LEPR: variants seen among roughly 807,000 people sequenced by gnomAD.
LEPR encodes the protein OB receptor.
Under a neutral mutation model 114.7 loss-of-function variants are expected in LEPR, and 56 were observed. That is an observed-to-expected ratio of 0.49 (90% CI 0.39 to 0.61). The LOEUF is 0.61. Ranked by LOEUF, LEPR falls within the 20% of genes least tolerant of loss-of-function variation. The pLI is 0.00. For missense variants in LEPR, 1,202 were observed against 1,352.9 expected, an observed-to-expected ratio of 0.89 and a Z score of 1.75; for synonymous variants, 443 against 461.4, an observed-to-expected ratio of 0.96 and a Z score of 0.51.
At chr1:65,467,151 C>A (rs1049411304) in intron 2 of LEPR, among the ~76,000 whole-genome samples, 1 of 152,124 alleles carries the variant, frequency 6.6e-6, no homozygotes, top group Non-Finnish European at 1.5e-5. Flanking sequence ...TCTCATTTCT[C>A]CCCATCTTTG....
At chr1:65,576,842 CT>C in intron 5 of LEPR, 1 of 288,964 alleles carries the variant, frequency 3.5e-6, no homozygotes, top group Non-Finnish European at 6.9e-6. Flanking sequence ...TGATGAAGAA[CT>C]TACCTCCACA....
intron 2 of LEPR, among the ~76,000 whole-genome samples, chr1:65,451,053 T>G (rs1159413371): frequency 0.02 from 3,066 of 150,730 alleles, 96 homozygotes; most frequent in African/African-American, 0.07. Flanking sequence ...TTTCATGTGT[T>G]TTTTGGCTGC....
intron 2 of LEPR, among the ~76,000 whole-genome samples, chr1:65,517,978 A>G (rs1290950695): frequency 6.6e-6 from 1 of 152,224 alleles, no homozygotes; most frequent in African/African-American, 2.4e-5. Flanking sequence ...GAAGTGAACT[A>G]TAATTCTTGC....
At chr1:65,571,308 C>T (rs1654132557) in intron 4 of LEPR, among the ~76,000 whole-genome samples, 1 of 151,818 alleles carries the variant, frequency 6.6e-6, no homozygotes, top group Non-Finnish European at 1.5e-5. Context: ...AACTAACCTG[C>T]ACATCCTGCA....
At chr1:65,504,218 TCTC>T (rs1261310005) in intron 2 of LEPR, among the ~76,000 whole-genome samples, 1 of 152,142 alleles carries the variant, frequency 6.6e-6, no homozygotes, top group Non-Finnish European at 1.5e-5. Flanking sequence ...ACAAGATACA[TCTC>T]CTGTGCAGGA....
intron 11 of LEPR, among the ~76,000 whole-genome samples, chr1:65,608,051 C>T (rs1005463167): frequency 6.6e-6 from 1 of 152,050 alleles, no homozygotes; most frequent in African/African-American, 2.4e-5. Context: ...CAAGGCTTTG[C>T]TCTGAGAGAC....
chr1:65,574,359 G>C (rs925347851), intron 5 of LEPR, among the ~76,000 whole-genome samples: 1 of 152,122 alleles, frequency 6.6e-6, no homozygotes, highest in Admixed American at 6.5e-5. Flanking sequence ...TAACAAACCT[G>C]CACGTTGTGC....
intron 2 of LEPR, among the ~76,000 whole-genome samples, chr1:65,507,572 A>C (rs965149971): frequency 6.7e-6 from 1 of 149,874 alleles, no homozygotes; most frequent in Admixed American, 6.7e-5. Flanking sequence ...CAACATTAAA[A>C]AAAATCCATT....
chr1:65,444,228 A>G (rs1456941606), intron 2 of LEPR, among the ~76,000 whole-genome samples: 2 of 151,774 alleles, frequency 1.3e-5, no homozygotes, highest in Non-Finnish European at 2.9e-5. Flanking sequence ...ATACTTTTAA[A>G]GTTTGGACAG....
intron 2 of LEPR, among the ~76,000 whole-genome samples, chr1:65,511,033 C>T (rs1324305434): frequency 6.6e-6 from 1 of 152,120 alleles, no homozygotes; most frequent in African/African-American, 2.4e-5. Context: ...CAAAACAAAA[C>T]ACTTATTTTA....
intron 2 of LEPR, among the ~76,000 whole-genome samples, chr1:65,539,219 C>T (rs979584330): frequency 3.3e-5 from 5 of 149,622 alleles, no homozygotes; most frequent in Admixed American, 6.7e-5. Flanking sequence ...TCTGAAATGT[C>T]TCTGCCAATA....
intron 2 of LEPR, among the ~76,000 whole-genome samples, chr1:65,462,417 G>A (rs1037090000): frequency 7.2e-5 from 11 of 152,156 alleles, no homozygotes; most frequent in African/African-American, 2.4e-4. Flanking sequence ...CATTTGGGTT[G>A]GTTCCAAGTC....
At chr1:65,478,283 C>T (rs1302968024) in intron 2 of LEPR, among the ~76,000 whole-genome samples, 3 of 152,084 alleles carry the variant, frequency 2.0e-5, no homozygotes, top group African/African-American at 7.2e-5. Context: ...GTAATGGGGC[C>T]GTCCATCCTA....
At chr1:65,435,310 T>C (rs114881303) in intron 2 of LEPR, 17,430 of 985,048 alleles carry the variant, frequency 0.018, 294 homozygotes, top group South Asian at 0.096. Flanking sequence ...TTAATAACCT[T>C]CTTTATGTTC....
intron 5 of LEPR, among the ~76,000 whole-genome samples, chr1:65,590,558 AC>A (rs1350440197): frequency 6.6e-6 from 1 of 151,620 alleles, no homozygotes; most frequent in Non-Finnish European, 1.5e-5. Flanking sequence ...GCTTTTCCCC[AC>A]ATTCACTCTG....
intron 14 of LEPR, among the ~76,000 whole-genome samples, chr1:65,613,937 C>T (rs923470119): frequency 8.1e-5 from 12 of 147,330 alleles, no homozygotes; most frequent in African/African-American, 3.0e-4. Context: ...AAAAAAAAAA[C>T]CTGACAATAC....
intron 2 of LEPR, among the ~76,000 whole-genome samples, chr1:65,449,636 C>A (rs1314230900): frequency 6.6e-6 from 1 of 151,680 alleles, no homozygotes. Flanking sequence ...CAGCTTCCCT[C>A]CGGCAACTAC....
Position 65,637,728 on chromosome 1 carries a change from AT to A in LEPR, c.*714del, listed in dbSNP as rs1557710794. ...GTTAGATTGCCAAATGTCACTGTAT[AT>A]CTCTCCGGAATAATTGTCTTCCCCC... On this transcript the variant is annotated 3_prime_UTR_variant, in exon 20 of 20. Transcript: ENST00000349533. 6.6e-6 allele frequency: 1 copy of A among 152,248 alleles called. No homozygotes were observed. The highest frequency in any genetic ancestry group is 1.5e-5 in the Non-Finnish European group (1 of 68,086). 9.4% of individuals were successfully genotyped at this position (152,248 alleles called of 1,614,324 possible).
intron 19 of LEPR, chr1:65,623,223 G>C (rs896708916): frequency 1.6e-4 from 75 of 467,900 alleles, no homozygotes; most frequent in Non-Finnish European, 2.5e-4. Context: ...TGTTGCTTCT[G>C]TGTCACAGTA....
Sources: gnomAD v4.1 joint callset for allele counts (sites outside exome capture counted in the v4.1 genomes callset) on GRCh38, gnomAD v4.1.1 for gene constraint, MANE v1.5 for transcripts, NCBI Gene and HGNC (gene_info 2026-07-23, HGNC 2026-07-21) for gene names.